RANBP17: variants seen among roughly 807,000 people sequenced by gnomAD.
RANBP17 encodes ran-binding protein 17.
In RANBP17, 158 loss-of-function variants were observed where a neutral mutation model predicts 141.2. The ratio of observed to expected loss-of-function variants is 1.12; its 90% CI spans 0.98 to 1.28. The LOEUF is 1.28. Among genes scored for constraint, RANBP17 ranks in the 50% most tolerant of loss-of-function variants. The pLI is 0.00. For synonymous variants in RANBP17, 430 were observed against 450.0 expected (o/e 0.96, Z 0.56); for missense variants, 1,438 against 1,290.7 (o/e 1.11, Z -1.75).
chr5:170,970,283 A>G (rs1186163380), intron 14 of RANBP17, among the ~76,000 whole-genome samples: 2 of 151,834 alleles, frequency 1.3e-5, no homozygotes, highest in Admixed American at 1.3e-4. Context: ...AGAATACTAG[A>G]TAATAGCAAA....
At chr5:170,901,475 A>G (rs542635079) in intron 5 of RANBP17, among the ~76,000 whole-genome samples, 5 of 152,238 alleles carry the variant, frequency 3.3e-5, no homozygotes, top group South Asian at 4.2e-4. Context: ...TCTTTATCCA[A>G]TTTGCCAGTC....
intron 14 of RANBP17, chr5:171,143,350 T>A (rs1403661754): frequency 1.3e-5 from 2 of 152,210 alleles, no homozygotes; most frequent in Non-Finnish European, 2.9e-5. Context: ...GTTTGCTCCG[T>A]GGTTGGGGCA....
Position 171,295,911 on chromosome 5 carries a change from T to C in RANBP17, c.3067T>C (p.Leu1023=), listed in dbSNP as rs545524299. Residue 1023 remains leucine (L), a synonymous_variant, in exon 27 of 28, where the codon TTG becomes CTG. Transcript: ENST00000523189. ...GTATTTCAGTGAACTGAGAGCAAGT[T>C]TGATAAACAGCCAGCCCCTCCCCAA... ...EKYFSELRAS[L]INSQPLPKQE... 1.8e-5 allele frequency: 29 copies of C among 1,613,624 alleles called. 1 individual carries two copies. In the South Asian group the frequency reaches 3.1e-4, roughly 17 times the overall value.
At chr5:171,224,493 A>G (rs368910985) in intron 22 of RANBP17, among the ~76,000 whole-genome samples, 34 of 152,352 alleles carry the variant, frequency 2.2e-4, no homozygotes, top group African/African-American at 7.9e-4. Flanking sequence ...AGTGACACCA[A>G]AAGGATTCTC....
At position 170,877,621 on chromosome 5, in the gene RANBP17, C is replaced by T. The variant is rs185837392; in HGVS notation, c.19-476C>T. 1.5e-3 allele frequency among the ~76,000 whole-genome samples: 227 copies of T among 152,268 alleles called. 2 individuals are homozygous for T. Among genetic ancestry groups the T allele is most frequent in the African/African-American group, 4.3e-3 (180 of 41,554 alleles). On this transcript the variant is annotated intron_variant, in intron 1 of 27. Transcript: ENST00000523189. ...TGGTTATCTGCAACTTGTGCATGATCATTTCCCCCATCCATCTCCCTAACC... is the reference window on the plus strand; with the variant it reads ...TGGTTATCTGCAACTTGTGCATGATTATTTCCCCCATCCATCTCCCTAACC...
At chr5:171,127,132 A>G (rs754590978) in intron 14 of RANBP17, among the ~76,000 whole-genome samples, 41 of 152,208 alleles carry the variant, frequency 2.7e-4, no homozygotes, top group Admixed American at 5.9e-4. Context: ...GACCATAATC[A>G]AGCAGGATTT....
intron 12 of RANBP17, among the ~76,000 whole-genome samples, chr5:170,938,907 C>A (rs1331200004): frequency 6.6e-6 from 1 of 152,106 alleles, no homozygotes; most frequent in Non-Finnish European, 1.5e-5. Context: ...ATTTTTTTGA[C>A]TTAATAGAAG....
chr5:170,996,244 T>G (rs1006515703), intron 14 of RANBP17, among the ~76,000 whole-genome samples: 1 of 152,290 alleles, frequency 6.6e-6, no homozygotes, highest in Admixed American at 6.5e-5. Flanking sequence ...TAGTTAAAGC[T>G]GTTTTTTTCC....
chr5:171,169,625 G>A (rs1034263638), intron 14 of RANBP17, among the ~76,000 whole-genome samples: 2 of 151,940 alleles, frequency 1.3e-5, no homozygotes, highest in Non-Finnish European at 2.9e-5. Flanking sequence ...AGCTTAATTA[G>A]GTAATATTTG....
intron 22 of RANBP17, among the ~76,000 whole-genome samples, chr5:171,238,543 T>C (rs751772747): frequency 5.3e-5 from 8 of 152,302 alleles, no homozygotes; most frequent in South Asian, 2.1e-4. Context: ...TTTCTCACTT[T>C]TACCCTGGCC....
intron 14 of RANBP17, among the ~76,000 whole-genome samples, chr5:171,002,146 T>C (rs1779248671): frequency 6.6e-6 from 1 of 152,184 alleles, no homozygotes; most frequent in Admixed American, 6.5e-5. Flanking sequence ...GGCTAGTGGC[T>C]TGTAACCTAC....
chr5:171,254,193 G>C (rs1266070072), intron 24 of RANBP17, among the ~76,000 whole-genome samples: 2 of 148,202 alleles, frequency 1.3e-5, no homozygotes, highest in Admixed American at 1.4e-4. Flanking sequence ...GTTGCAGTGA[G>C]ACGAGATCAT....
chr5:170,875,104 TA>T (rs932062893), intron 1 of RANBP17, among the ~76,000 whole-genome samples: 2 of 152,172 alleles, frequency 1.3e-5, no homozygotes, highest in African/African-American at 4.8e-5. Context: ...TTTGGCCAGA[TA>T]TGACATTCTG....
At chr5:170,966,742 G>A in intron 13 of RANBP17, among the ~76,000 whole-genome samples, 1 of 152,076 alleles carries the variant, frequency 6.6e-6, no homozygotes, top group Non-Finnish European at 1.5e-5. Flanking sequence ...TAGGAAAAGA[G>A]GAAGTCAAAT....
At chr5:170,979,547 T>C (rs575633340) in intron 14 of RANBP17, among the ~76,000 whole-genome samples, 1 of 152,314 alleles carries the variant, frequency 6.6e-6, no homozygotes, top group South Asian at 2.1e-4. Context: ...AATTGAATCA[T>C]GGGACAGGTC....
intron 19 of RANBP17, among the ~76,000 whole-genome samples, chr5:171,200,841 A>G (rs1278189105): frequency 9.2e-5 from 14 of 152,226 alleles, no homozygotes; most frequent in Admixed American, 9.2e-4. Flanking sequence ...ATTAATGTTT[A>G]TCAGCATGCT....
intron 14 of RANBP17, among the ~76,000 whole-genome samples, chr5:171,093,782 G>A (rs1786484164): frequency 6.6e-6 from 1 of 152,106 alleles, no homozygotes; most frequent in South Asian, 2.1e-4. Context: ...AGTGCTTTGG[G>A]CAATAGAGTA....
At chr5:171,053,078 C>T (rs1581500224) in intron 14 of RANBP17, among the ~76,000 whole-genome samples, 2 of 152,178 alleles carry the variant, frequency 1.3e-5, no homozygotes, top group East Asian at 3.8e-4. Context: ...CCTCAGCATC[C>T]CAAAGTCCTG....
intron 1 of RANBP17, among the ~76,000 whole-genome samples, chr5:170,862,902 G>C (rs1766936365): frequency 6.6e-6 from 1 of 152,222 alleles, no homozygotes; most frequent in African/African-American, 2.4e-5. Flanking sequence ...GGTAGAAATA[G>C]TCACAGTATC....
Sources: gnomAD v4.1 joint callset for allele counts (sites outside exome capture counted in the v4.1 genomes callset) on GRCh38, gnomAD v4.1.1 for gene constraint, MANE v1.5 for transcripts, NCBI Gene and HGNC (gene_info 2026-07-23, HGNC 2026-07-21) for gene names.